The following WWOX variants were observed in gnomAD, a reference collection of about 807,000 sequenced individuals.
WWOX encodes the protein WW domain-containing oxidoreductase.
In WWOX, 69 loss-of-function variants were observed where a neutral mutation model predicts 46.2. That is an observed-to-expected ratio of 1.49 (90% CI 1.23 to 1.82). The LOEUF (loss-of-function observed/expected upper bound fraction) is 1.82. Ranked by LOEUF, WWOX falls within the 40% of genes most tolerant of loss-of-function variation. The pLI, the probability that WWOX is intolerant of heterozygous loss-of-function variation, is 0.00. For missense variants in WWOX, 919 were observed against 542.6 expected, an observed-to-expected ratio of 1.69 and a Z score of -6.89; for synonymous variants, 359 against 202.6, an observed-to-expected ratio of 1.77 and a Z score of -6.56.
chr16:78,504,864 G>C (rs967362471), intron 8 of WWOX, among the ~76,000 whole-genome samples: 35 of 152,120 alleles, frequency 2.3e-4, no homozygotes, highest in African/African-American at 7.5e-4. Context: ...AGAATATCTC[G>C]AGTTCTTAAT....
intron 4 of WWOX, among the ~76,000 whole-genome samples, chr16:78,141,344 T>G (rs72803001): frequency 0.049 from 7,382 of 152,152 alleles, 211 homozygotes; most frequent in Non-Finnish European, 0.061. Flanking sequence ...CTGTTTATCT[T>G]TAAAGGGAAC....
chr16:78,954,368 A>C (rs2046122864), intron 8 of WWOX, among the ~76,000 whole-genome samples: 1 of 152,086 alleles, frequency 6.6e-6, no homozygotes, highest in Non-Finnish European at 1.5e-5. Context: ...GGATGGATGC[A>C]TGGATGTTTG....
chr16:78,808,277 T>C (rs979678976), intron 8 of WWOX, among the ~76,000 whole-genome samples: 1 of 152,228 alleles, frequency 6.6e-6, no homozygotes, highest in Non-Finnish European at 1.5e-5. Context: ...CCCTTTGGAC[T>C]ATGGATCCGT....
chr16:78,637,045 C>A (rs1220657910), intron 8 of WWOX, among the ~76,000 whole-genome samples: 1 of 152,220 alleles, frequency 6.6e-6, no homozygotes, highest in Non-Finnish European at 1.5e-5. Flanking sequence ...CCCTGCTCAT[C>A]TGCAGCACAC....
intron 5 of WWOX, among the ~76,000 whole-genome samples, chr16:78,374,205 G>A (rs891375647): frequency 5.3e-5 from 8 of 152,112 alleles, no homozygotes; most frequent in African/African-American, 1.7e-4. Context: ...CTTCCTTTCT[G>A]TCTTTCTCTG....
chr16:78,668,686 A>G (rs1436498298), intron 8 of WWOX, among the ~76,000 whole-genome samples: 2 of 152,176 alleles, frequency 1.3e-5, no homozygotes, highest in Non-Finnish European at 2.9e-5. Flanking sequence ...AAGAGCAGGC[A>G]TCAGATGGGC....
chr16:78,514,972 C>G (rs1000149693), intron 8 of WWOX, among the ~76,000 whole-genome samples: 1 of 152,116 alleles, frequency 6.6e-6, no homozygotes, highest in East Asian at 1.9e-4. Flanking sequence ...ATAATCCCAG[C>G]ACTTGGGGAG....
chr16:78,779,331 G>C (rs1056277347), intron 8 of WWOX, among the ~76,000 whole-genome samples: 5 of 152,106 alleles, frequency 3.3e-5, no homozygotes, highest in Non-Finnish European at 7.3e-5. Context: ...ATTTTTAGTA[G>C]AGAGGCAGTT....
At chr16:79,169,545 A>C (rs138037466) in intron 8 of WWOX, among the ~76,000 whole-genome samples, 167 of 152,324 alleles carry the variant, frequency 1.1e-3, no homozygotes, top group African/African-American at 3.8e-3. Flanking sequence ...AGCCAGGGTA[A>C]AGTCCCCAGC....
At chr16:78,336,722 A>G (rs1485134987) in intron 5 of WWOX, among the ~76,000 whole-genome samples, 1 of 152,110 alleles carries the variant, frequency 6.6e-6, no homozygotes, top group African/African-American at 2.4e-5. Context: ...TAAAAATTAG[A>G]GGCTAAAAGT....
chr16:78,679,951 C>G (rs781630325), intron 8 of WWOX, among the ~76,000 whole-genome samples: 70 of 152,312 alleles, frequency 4.6e-4, no homozygotes, highest in Admixed American at 9.1e-4. Context: ...TGCAAATCCT[C>G]TAGTCAGAGC....
At chr16:78,545,231 G>A (rs1029819113) in intron 8 of WWOX, among the ~76,000 whole-genome samples, 5 of 152,132 alleles carry the variant, frequency 3.3e-5, no homozygotes, top group African/African-American at 9.7e-5. Context: ...TTGTTGGGGA[G>A]CTGTTTGGAC....
At chr16:78,997,635 A>C (rs990729396) in intron 8 of WWOX, among the ~76,000 whole-genome samples, 2 of 152,040 alleles carry the variant, frequency 1.3e-5, no homozygotes, top group Non-Finnish European at 2.9e-5. Context: ...GTGAATTTGC[A>C]CTAGTATTTA....
intron 8 of WWOX, among the ~76,000 whole-genome samples, chr16:78,590,959 C>T (rs895953216): frequency 1.3e-5 from 2 of 152,124 alleles, no homozygotes; most frequent in Non-Finnish European, 2.9e-5. Flanking sequence ...AATATGGCAC[C>T]TCCTCATTTG....
rs186651223 is a variant in WWOX, at chr16:78,696,791, G to T, written c.1056+264039G>T. On this transcript the variant is annotated intron_variant, in intron 8 of 8. Coordinates refer to ENST00000566780, the MANE Select transcript of WWOX (RefSeq NM_016373.4). ...GAGCAGTATACACTGCATCCAGTTT[G>T]TACTCCTTTATGCCTCACCCTTTTA... Among the ~76,000 whole-genome samples, 111 of 152,100 alleles carry T rather than the reference G, an allele frequency of 7.3e-4. 1 individual carries two copies. The highest frequency in any genetic ancestry group is 2.3e-3 in the African/African-American group (96 of 41,518).
At chr16:79,102,222 A>G (rs947390045) in intron 8 of WWOX, among the ~76,000 whole-genome samples, 8 of 152,168 alleles carry the variant, frequency 5.3e-5, no homozygotes, top group African/African-American at 1.7e-4. Context: ...TAACTTGCCT[A>G]TAAACATAAA....
intron 8 of WWOX, among the ~76,000 whole-genome samples, chr16:78,862,362 C>G (rs2043908562): frequency 6.6e-6 from 1 of 151,004 alleles, no homozygotes; most frequent in African/African-American, 2.4e-5. Context: ...TATATATAAA[C>G]ACTATAGTAT....
At chr16:78,316,933 C>G (rs576454093) in intron 5 of WWOX, among the ~76,000 whole-genome samples, 2 of 152,200 alleles carry the variant, frequency 1.3e-5, no homozygotes, top group Admixed American at 6.5e-5. Flanking sequence ...GTTTTTCCAA[C>G]AAACTTTTAT....
intron 8 of WWOX, among the ~76,000 whole-genome samples, chr16:78,836,465 C>G (rs1489679887): frequency 6.6e-6 from 1 of 152,198 alleles, no homozygotes; most frequent in African/African-American, 2.4e-5. Flanking sequence ...TGAAGGGTGG[C>G]ATCCACTCTT....
Sources: allele counts gnomAD v4.1 joint callset (sites outside exome capture counted in the v4.1 genomes callset), GRCh38; gene constraint gnomAD v4.1.1; transcripts MANE v1.5; gene names NCBI Gene and HGNC (gene_info 2026-07-23, HGNC 2026-07-21).